PRKG1: variants seen among roughly 807,000 people sequenced by gnomAD.
PRKG1 encodes the protein protein kinase cGMP-dependent 1.
In PRKG1, 35 loss-of-function variants were observed where a neutral mutation model predicts 88.1. The ratio of observed to expected loss-of-function variants is 0.40; its 90% confidence interval spans 0.30 to 0.53. The LOEUF (loss-of-function observed/expected upper bound fraction) is 0.53. Among genes scored for constraint, PRKG1 ranks in the 20% least tolerant of loss-of-function variants. The probability of loss-of-function intolerance (pLI) is 0.59; values close to 1 mark genes in which losing one functional copy is unlikely to be tolerated. For synonymous variants in PRKG1, 303 were observed against 292.5 expected, an observed-to-expected ratio of 1.04 and a Z score of -0.37; for missense variants, 540 against 839.8, an observed-to-expected ratio of 0.64 and a Z score of 4.41.
At chr10:51,629,207 T>C (rs1839461662) in intron 3 of PRKG1, among the ~76,000 whole-genome samples, 1 of 152,008 alleles carries the variant, frequency 6.6e-6, no homozygotes, top group African/African-American at 2.4e-5. Flanking sequence ...TGGTCAAAGA[T>C]TTTGAAAGTA....
At chr10:52,228,920 T>C (rs1840460155) in intron 9 of PRKG1, among the ~76,000 whole-genome samples, 1 of 152,234 alleles carries the variant, frequency 6.6e-6, no homozygotes, top group Admixed American at 6.5e-5. Context: ...TGTCAGTTCG[T>C]CTCAGAAACA....
intron 3 of PRKG1, among the ~76,000 whole-genome samples, chr10:51,614,533 GTTA>G (rs1457797799): frequency 6.6e-6 from 1 of 151,774 alleles, no homozygotes; most frequent in Non-Finnish European, 1.5e-5. Context: ...TATATTCAAG[GTTA>G]TTATTGATGT....
At chr10:51,566,655 A>C (rs918513123) in intron 3 of PRKG1, among the ~76,000 whole-genome samples, 1 of 152,074 alleles carries the variant, frequency 6.6e-6, no homozygotes, top group African/African-American at 2.4e-5. Context: ...AATTATAAAG[A>C]GTCAGCTATG....
At chr10:51,914,799 C>A (rs940943578) in intron 5 of PRKG1, among the ~76,000 whole-genome samples, 1 of 152,060 alleles carries the variant, frequency 6.6e-6, no homozygotes, top group East Asian at 1.9e-4. Context: ...CACTTATGTA[C>A]GTTATTATCC....
At chr10:51,735,841 G>A (rs891310934) in intron 3 of PRKG1, among the ~76,000 whole-genome samples, 2 of 140,854 alleles carry the variant, frequency 1.4e-5, no homozygotes, top group African/African-American at 5.3e-5. Context: ...ATATGGGGCA[G>A]GGGGCCTGAC....
intron 8 of PRKG1, among the ~76,000 whole-genome samples, chr10:52,140,521 C>T (rs925898029): frequency 1.3e-5 from 2 of 152,120 alleles, no homozygotes; most frequent in Non-Finnish European, 2.9e-5. Flanking sequence ...ATTCCTGCAC[C>T]TCTTAATTCC....
chr10:52,179,128 G>A (rs1194533884), intron 9 of PRKG1, among the ~76,000 whole-genome samples: 1 of 151,154 alleles, frequency 6.6e-6, no homozygotes, highest in Non-Finnish European at 1.5e-5. Context: ...GGTTCTCTGT[G>A]GTGATAACAT....
At chr10:51,262,482 T>C (rs1172821804) in intron 2 of PRKG1, among the ~76,000 whole-genome samples, 2 of 152,102 alleles carry the variant, frequency 1.3e-5, no homozygotes, top group Non-Finnish European at 2.9e-5. Context: ...TCTTTGCTCC[T>C]GAATCTCCAT....
At chr10:51,046,815 T>C (rs1306834225) in intron 1 of PRKG1, among the ~76,000 whole-genome samples, 1 of 152,238 alleles carries the variant, frequency 6.6e-6, no homozygotes, top group Non-Finnish European at 1.5e-5. Flanking sequence ...ATTTGGAGAA[T>C]ATTAAGTACT....
chr10:52,053,042 GAAAT>G (rs1254395269), intron 5 of PRKG1, among the ~76,000 whole-genome samples: 3 of 152,064 alleles, frequency 2.0e-5, no homozygotes, highest in African/African-American at 4.8e-5. Context: ...CTTGTTAAAT[GAAAT>G]AAATCAGTTG....
At chr10:51,348,941 T>TCCG (rs1344652051) in intron 2 of PRKG1, among the ~76,000 whole-genome samples, 4 of 152,156 alleles carry the variant, frequency 2.6e-5, no homozygotes, top group African/African-American at 9.7e-5. Context: ...TGGTAGCAGG[T>TCCG]GAAATCCGGA....
intron 7 of PRKG1, among the ~76,000 whole-genome samples, chr10:52,101,877 A>G (rs536730698): frequency 6.6e-6 from 1 of 152,326 alleles, no homozygotes; most frequent in South Asian, 2.1e-4. Context: ...AATGTCCACA[A>G]AGGACATTTA....
chr10:51,336,567 C>T (rs1841882034), intron 2 of PRKG1, among the ~76,000 whole-genome samples: 3 of 152,104 alleles, frequency 2.0e-5, no homozygotes, highest in Admixed American at 1.3e-4. Flanking sequence ...CCTCAAAATC[C>T]TTCTTAAAAC....
chr10:51,247,297 C>T (rs1839316876), intron 2 of PRKG1, among the ~76,000 whole-genome samples: 1 of 151,940 alleles, frequency 6.6e-6, no homozygotes, highest in African/African-American at 2.4e-5. Context: ...TCCCTCCATA[C>T]TCATCATTTG....
At chr10:51,372,182 C>G (rs34827771) in intron 2 of PRKG1, among the ~76,000 whole-genome samples, 10,756 of 152,180 alleles carry the variant, frequency 0.071, 476 homozygotes, top group Middle Eastern at 0.13. Flanking sequence ...TGATGGTGTT[C>G]TATAAGTGAA....
At chr10:51,446,750 C>T (rs978106589) in intron 2 of PRKG1, among the ~76,000 whole-genome samples, 3 of 152,050 alleles carry the variant, frequency 2.0e-5, no homozygotes, top group Non-Finnish European at 4.4e-5. Flanking sequence ...CCATTTTGGC[C>T]TTACACTTTG....
At chr10:51,589,977 A>C (rs1838269336) in intron 3 of PRKG1, among the ~76,000 whole-genome samples, 1 of 152,166 alleles carries the variant, frequency 6.6e-6, no homozygotes, top group Non-Finnish European at 1.5e-5. Context: ...GAGATCATAG[A>C]AGATCAATAG....
chr10:51,072,217 CA>C (rs34173184), upstream of PRKG1, among the ~76,000 whole-genome samples: 134,567 of 151,258 alleles, frequency 0.89, 60,004 homozygotes, highest in African/African-American at 0.96. Context: ...CACAAACAAA[CA>C]AAAAAAAAAC....
chr10:51,119,651 C>T (rs1191047107), intron 1 of PRKG1, among the ~76,000 whole-genome samples: 1 of 151,956 alleles, frequency 6.6e-6, no homozygotes, highest in Non-Finnish European at 1.5e-5. Context: ...TCTCTAGAGA[C>T]TGTTAAAATT....
Sources: gnomAD v4.1 joint callset for allele counts (sites outside exome capture counted in the v4.1 genomes callset) on GRCh38, gnomAD v4.1.1 for gene constraint, MANE v1.5 for transcripts, NCBI Gene and HGNC (gene_info 2026-07-23, HGNC 2026-07-21) for gene names.